The following FAIM2 variants were observed in gnomAD, a reference collection of about 807,000 sequenced individuals.
FAIM2 encodes Fas apoptotic inhibitory molecule 2.
A neutral mutation model predicts 47.4 loss-of-function variants in FAIM2; 27 were observed. The observed-to-expected ratio is 0.57, with a 90% CI of 0.42 to 0.78. The LOEUF (loss-of-function observed/expected upper bound fraction) is 0.78, where lower values mean the gene tolerates loss of function less well. Ranked by LOEUF, FAIM2 falls within the 30% of genes least tolerant of loss-of-function variation. The pLI is 0.00. For synonymous variants in FAIM2, 156 were observed against 159.3 expected, an observed-to-expected ratio of 0.98 and a Z score of 0.16; for missense variants, 311 against 389.4, an observed-to-expected ratio of 0.80 and a Z score of 1.69.
intron 11 of FAIM2, among the ~76,000 whole-genome samples, chr12:49,882,556 T>C (rs987893909): frequency 3.9e-5 from 6 of 152,124 alleles, no homozygotes; most frequent in African/African-American, 1.4e-4. Context: ...TCTCCATTGT[T>C]GTTTCTATAA....
At chr12:49,890,957 G>A in intron 6 of FAIM2, 107 bp downstream of exon 6, 1 of 1,111,590 alleles carries the variant, frequency 9.0e-7, no homozygotes, top group Middle Eastern at 2.0e-4. Flanking sequence ...AGAGGGATGG[G>A]GCCCTCTCAG....
chr12:49,880,218 ATATGTGCATGCATGTGTG>A (rs1565614759), intron 11 of FAIM2, among the ~76,000 whole-genome samples: 1 of 121,230 alleles, frequency 8.2e-6, no homozygotes, highest in African/African-American at 3.3e-5. Flanking sequence ...GCATGTGTGT[ATATGTGCATGCATGTGTG>A]TATGTGTATG....
intron 5 of FAIM2, among the ~76,000 whole-genome samples, chr12:49,895,332 C>A (rs1050747919): frequency 5.9e-5 from 9 of 152,044 alleles, no homozygotes; most frequent in South Asian, 2.1e-4. Context: ...ATCCCCCCAT[C>A]CCCCCCAATG....
chr12:49,901,517 G>T, intron 1 of FAIM2, 192 bp from the exon 2 acceptor site: 1 of 498,490 alleles, frequency 2.0e-6, no homozygotes, highest in East Asian at 3.5e-5. Flanking sequence ...GTCAGAGCTA[G>T]CTGGGGCACA....
chr12:49,880,167 T>TGTGTGTGTGTGTGTGC (rs146657856), intron 11 of FAIM2, among the ~76,000 whole-genome samples: 3 of 143,416 alleles, frequency 2.1e-5, no homozygotes, highest in African/African-American at 7.8e-5. Context: ...TGCATGTGTG[T>TGTGTGTGTGTGTGTGC]ATGTGTGTGT....
chr12:49,901,385 C>T (rs779392632), intron 1 of FAIM2, 60 bp from the exon 2 acceptor site: 8 of 1,307,496 alleles, frequency 6.1e-6, no homozygotes, highest in Non-Finnish European at 8.2e-6. Flanking sequence ...TCCAACTCCT[C>T]CTCCTCACCA....
At chr12:49,886,862 C>A (rs1946865335) in intron 11 of FAIM2, among the ~76,000 whole-genome samples, 1 of 152,118 alleles carries the variant, frequency 6.6e-6, no homozygotes, top group Admixed American at 6.5e-5. Context: ...TGGGGGGAAG[C>A]AAGTGTTCAA....
chr12:49,882,691 T>C (rs1486917176), intron 11 of FAIM2, among the ~76,000 whole-genome samples: 2 of 152,118 alleles, frequency 1.3e-5, no homozygotes, highest in Non-Finnish European at 2.9e-5. Flanking sequence ...TTCAACCACA[T>C]AGCCTGTGCG....
chr12:49,883,685 C>A (rs1388746599), intron 11 of FAIM2, among the ~76,000 whole-genome samples: 2 of 152,118 alleles, frequency 1.3e-5, no homozygotes, highest in Admixed American at 6.5e-5. Context: ...GCCTGAGACC[C>A]TGAGGGAGCA....
intron 11 of FAIM2, among the ~76,000 whole-genome samples, chr12:49,872,984 G>A (rs2137078351): frequency 6.6e-6 from 1 of 152,348 alleles, no homozygotes; most frequent in Non-Finnish European, 1.5e-5. Flanking sequence ...CCCTCTTGAG[G>A]ACATGCACGT....
intron 1 of FAIM2, chr12:49,902,044 G>A (rs1565621439): frequency 6.6e-6 from 1 of 152,286 alleles, no homozygotes; most frequent in South Asian, 2.1e-4. Context: ...CTCACAGAGT[G>A]ACCCAGTGGA....
intron 5 of FAIM2, among the ~76,000 whole-genome samples, chr12:49,894,756 C>T (rs529588834): frequency 6.6e-6 from 1 of 152,242 alleles, no homozygotes; most frequent in South Asian, 2.1e-4. Context: ...ACCTGGATTT[C>T]TACCCTGGTT....
intron 5 of FAIM2, 96 bp downstream of exon 5, chr12:49,896,935 C>T (rs532399586): frequency 9.1e-6 from 9 of 994,264 alleles, no homozygotes; most frequent in East Asian, 4.8e-5. Flanking sequence ...CTGGGGGAAG[C>T]TACGGGCTCA....
chr12:49,881,276 C>A (rs1946824087), intron 11 of FAIM2, among the ~76,000 whole-genome samples: 1 of 152,200 alleles, frequency 6.6e-6, no homozygotes, highest in Non-Finnish European at 1.5e-5. Flanking sequence ...CCTTAAAGCA[C>A]AACAACTGTG....
At chr12:49,878,392 G>GTGTGTGTGCATGTGTGTA (rs142129827) in intron 11 of FAIM2, among the ~76,000 whole-genome samples, 73,853 of 125,078 alleles carry the variant, frequency 0.59, 26,776 homozygotes, top group Non-Finnish European at 0.59. Context: ...GTGTATATGT[G>GTGTGTGTGCATGTGTGTA]TGTGTCTGTG....
chr12:49,896,876 C>T (rs926046817), intron 5 of FAIM2, among the ~76,000 whole-genome samples, 155 bp downstream of exon 5: 2 of 152,122 alleles, frequency 1.3e-5, no homozygotes, highest in African/African-American at 4.8e-5. Flanking sequence ...CTGAAGCCGA[C>T]AGAATGGGGC....
chr12:49,899,518 GTA>G (rs1946966563), intron 2 of FAIM2, among the ~76,000 whole-genome samples: 1 of 152,182 alleles, frequency 6.6e-6, no homozygotes, highest in Non-Finnish European at 1.5e-5. Flanking sequence ...CTCAACCCAA[GTA>G]TATTTTTTCA....
Position 49,901,173 on chromosome 12 carries a change from G to A in FAIM2, c.168C>T (p.Pro56=), listed in dbSNP as rs138155469. The change falls in exon 2 of 12, where the codon CCC becomes CCT. Residue 56 remains proline (P), a synonymous_variant. Transcript: ENST00000320634. The stretch of plus-strand genomic sequence containing the variant: ...AGCTAGGGTGGAGAGGCACCGCTGT[G>A]GGGGCTGGGGGGAAGGCCCCTGCCT... ...GMKAGAFPPA[P]TAVPLHPSWA... The A allele has an allele frequency of 2.5e-6, 4 of 1,606,872 alleles. No individual in the cohort carries two copies. In the South Asian group the frequency reaches 3.3e-5, roughly 13 times the overall value.
chr12:49,898,962 G>A (rs1214144622), intron 2 of FAIM2, among the ~76,000 whole-genome samples: 1 of 152,102 alleles, frequency 6.6e-6, no homozygotes, highest in Non-Finnish European at 1.5e-5. Context: ...CCAGGACAAG[G>A]GCAAGAAGTG....
Sources: gnomAD v4.1 joint callset for allele counts (sites outside exome capture counted in the v4.1 genomes callset) on GRCh38, gnomAD v4.1.1 for gene constraint, MANE v1.5 for transcripts, NCBI Gene and HGNC (gene_info 2026-07-23, HGNC 2026-07-21) for gene names.